METTL16: variants seen among roughly 807,000 people sequenced by gnomAD.
METTL16 encodes the protein RNA N(6)-adenosine-methyltransferase METTL16.
Under a neutral mutation model 57.9 loss-of-function variants are expected in METTL16, and 19 were observed. The ratio of observed to expected loss-of-function variants is 0.33; its 90% CI spans 0.23 to 0.48. The LOEUF (loss-of-function observed/expected upper bound fraction) is 0.48. Among genes scored for constraint, METTL16 ranks in the 20% least tolerant of loss-of-function variants. The probability of loss-of-function intolerance (pLI) is 0.99; values close to 1 mark genes in which losing one functional copy is unlikely to be tolerated. For synonymous variants in METTL16, 246 were observed against 255.6 expected (o/e 0.96, Z 0.36); for missense variants, 434 against 691.5 (o/e 0.63, Z 4.18).
intron 6 of METTL16, among the ~76,000 whole-genome samples, chr17:2,444,412 T>C (rs1284762464): frequency 6.6e-6 from 1 of 152,156 alleles, no homozygotes; most frequent in African/African-American, 2.4e-5. Context: ...ATCACACCAC[T>C]GCACTCCAGC....
At chr17:2,441,945 C>T (rs905107359) in intron 6 of METTL16, among the ~76,000 whole-genome samples, 9 of 152,112 alleles carry the variant, frequency 5.9e-5, no homozygotes, top group Non-Finnish European at 1.5e-5. Context: ...AAGATTAGAT[C>T]CAGCATGAAC....
At chr17:2,476,885 G>A (rs2151569227) in intron 3 of METTL16, among the ~76,000 whole-genome samples, 1 of 152,212 alleles carries the variant, frequency 6.6e-6, no homozygotes, top group Non-Finnish European at 1.5e-5. Context: ...GAACCCGGGA[G>A]GCGGAGGTTG....
intron 2 of METTL16, among the ~76,000 whole-genome samples, chr17:2,491,967 T>G (rs1458366705): frequency 6.8e-6 from 1 of 146,102 alleles, no homozygotes; most frequent in Non-Finnish European, 1.5e-5. Flanking sequence ...ACCCCAGCAC[T>G]TTAGGAGGCC....
intron 8 of METTL16, among the ~76,000 whole-genome samples, chr17:2,422,489 C>T (rs961485713): frequency 6.6e-6 from 1 of 151,970 alleles, no homozygotes; most frequent in African/African-American, 2.4e-5. Context: ...AAGCGATTCT[C>T]CTGCCTCAGC....
intron 2 of METTL16, among the ~76,000 whole-genome samples, chr17:2,493,129 CTT>C (rs764351584): frequency 1.3e-4 from 17 of 132,822 alleles, no homozygotes; most frequent in East Asian, 2.3e-4. Context: ...GGTGATTCTT[CTT>C]TTTTTTTTTT....
chr17:2,491,071 G>C (rs763034953), intron 2 of METTL16, among the ~76,000 whole-genome samples: 99 of 152,142 alleles, frequency 6.5e-4, no homozygotes, highest in Non-Finnish European at 1.3e-3. Flanking sequence ...GCAAAGTCAA[G>C]TCACTCGACT....
Position 2,477,891 on chromosome 17 carries a change from G to T in METTL16, c.129-6C>A. The T allele has an allele frequency of 6.2e-7, 1 of 1,611,196 alleles. No homozygotes were observed. Among genetic ancestry groups the T allele is most frequent in the Non-Finnish European group, 8.5e-7 (1 of 1,178,242 alleles). On this transcript the variant is annotated splice_polypyrimidine_tract_variant and splice_region_variant and intron_variant, in intron 2 of 9. Transcript: ENST00000263092. ...CGGGGTCTTTAAAATTAAGGCTGAG[G>T]AATAAAGAAAAGGAAGTAAAACTGA... is the stretch of plus-strand genomic sequence containing the variant.
intron 2 of METTL16, among the ~76,000 whole-genome samples, chr17:2,490,984 T>C (rs1002012229): frequency 1.3e-5 from 2 of 152,196 alleles, no homozygotes; most frequent in South Asian, 2.1e-4. Context: ...GAAGAGCTGA[T>C]TGTTAGACTT....
chr17:2,447,213 G>A (rs1286161663), intron 6 of METTL16, among the ~76,000 whole-genome samples: 23 of 147,884 alleles, frequency 1.6e-4, no homozygotes, highest in African/African-American at 6.0e-4. Flanking sequence ...CTGAGATGTG[G>A]GGAGCACCTC....
At chr17:2,487,757 A>C (rs1485393210) in intron 2 of METTL16, among the ~76,000 whole-genome samples, 3 of 152,148 alleles carry the variant, frequency 2.0e-5, no homozygotes, top group Non-Finnish European at 4.4e-5. Context: ...TAATCCCAGC[A>C]CTGTGGGAGG....
intron 2 of METTL16, among the ~76,000 whole-genome samples, chr17:2,486,033 C>G (rs561413872): frequency 1.3e-5 from 2 of 152,022 alleles, no homozygotes; most frequent in Non-Finnish European, 2.9e-5. Context: ...TAAAGCAAAC[C>G]GCAAGTACAA....
At chr17:2,496,215 T>A (rs140573729) in intron 2 of METTL16, among the ~76,000 whole-genome samples, 1,957 of 151,776 alleles carry the variant, frequency 0.013, 24 homozygotes, top group Non-Finnish European at 0.021. Flanking sequence ...CATTCATGGA[T>A]CCTCTCAAAG....
chr17:2,472,417 C>T (rs1480549793), intron 4 of METTL16, among the ~76,000 whole-genome samples: 1 of 152,088 alleles, frequency 6.6e-6, no homozygotes, highest in Non-Finnish European at 1.5e-5. Flanking sequence ...ATTACCATAC[C>T]ATCCAGCAAG....
At chr17:2,431,717 G>C (rs1256989606) in intron 8 of METTL16, among the ~76,000 whole-genome samples, 1 of 151,942 alleles carries the variant, frequency 6.6e-6, no homozygotes, top group Non-Finnish European at 1.5e-5. Flanking sequence ...GGTATCTTTT[G>C]ACTCAAAAAT....
At chr17:2,509,759 A>G (rs1394956430) in intron 1 of METTL16, among the ~76,000 whole-genome samples, 1 of 152,100 alleles carries the variant, frequency 6.6e-6, no homozygotes, top group African/African-American at 2.4e-5. Context: ...CTAAAAATAC[A>G]AAAATTAGCT....
intron 2 of METTL16, among the ~76,000 whole-genome samples, chr17:2,482,808 G>A (rs891725617): frequency 2.6e-5 from 4 of 152,152 alleles, no homozygotes; most frequent in African/African-American, 4.8e-5. Flanking sequence ...TCCCCGCTAC[G>A]CAGGAGGCAG....
intron 8 of METTL16, among the ~76,000 whole-genome samples, chr17:2,434,785 G>C (rs750860390): frequency 7.9e-5 from 12 of 152,106 alleles, no homozygotes; most frequent in Non-Finnish European, 1.6e-4. Context: ...TCTCCAAAAA[G>C]CCCTCTAGTT....
At chr17:2,468,839 G>T (rs1597458970) in intron 4 of METTL16, among the ~76,000 whole-genome samples, 4 of 152,284 alleles carry the variant, frequency 2.6e-5, no homozygotes, top group Admixed American at 2.6e-4. Context: ...AGCGAGCCAT[G>T]ATCACGCCAC....
chr17:2,444,878 G>C (rs2066983065), intron 6 of METTL16, among the ~76,000 whole-genome samples: 1 of 151,936 alleles, frequency 6.6e-6, no homozygotes, highest in Non-Finnish European at 1.5e-5. Context: ...ACCACTCCCA[G>C]CTAATTTTTG....
Sources: allele counts gnomAD v4.1 joint callset (sites outside exome capture counted in the v4.1 genomes callset), GRCh38; gene constraint gnomAD v4.1.1; transcripts MANE v1.5; gene names NCBI Gene and HGNC (gene_info 2026-07-23, HGNC 2026-07-21).